Variants in PTPRD observed in about 807,000 individuals in gnomAD.
PTPRD encodes the protein receptor-type tyrosine-protein phosphatase delta.
PTPRD carries 34 observed loss-of-function variants against 214.5 expected under a neutral mutation model. The ratio of observed to expected loss-of-function variants is 0.16; its 90% confidence interval spans 0.12 to 0.21. PTPRD has a LOEUF of 0.21. PTPRD is among the 10% of genes least tolerant of loss of function. The probability of loss-of-function intolerance (pLI) is 1.00; values close to 1 mark genes in which losing one functional copy is unlikely to be tolerated. For synonymous variants in PTPRD, 1,128 were observed against 845.7 expected (o/e 1.33, Z -5.79); for missense variants, 2,545 against 2,398.7 (o/e 1.06, Z -1.27).
chr9:9,669,104 A>G (rs948605917), intron 7 of PTPRD, among the ~76,000 whole-genome samples: 1 of 152,096 alleles, frequency 6.6e-6, no homozygotes, highest in Non-Finnish European at 1.5e-5. Flanking sequence ...TATTATTATC[A>G]TTATACTTTA....
intron 14 of PTPRD, among the ~76,000 whole-genome samples, chr9:8,584,749 G>A (rs932936835): frequency 2.0e-5 from 3 of 152,164 alleles, no homozygotes; most frequent in East Asian, 1.9e-4. Context: ...TGCTGCAAAT[G>A]GAGACATACC....
chr9:8,940,229 C>T lies in PTPRD; in HGVS notation c.-104+78468G>A, dbSNP rs574300439. ...GTTTGCACCTGCTAAATTCTTTCCC[C>T]AGAAGACTAAATTGACTAAGGCATT... On this transcript the variant is annotated intron_variant, in intron 11 of 45. Transcript: ENST00000381196. Among the ~76,000 whole-genome samples the T allele has an allele frequency of 4.7e-5, 7 of 149,174 alleles. No homozygotes were observed. The South Asian group carries it at 8.5e-4, about 18-fold the overall frequency.
rs2095865912 is a variant in PTPRD, at chr9:8,449,840, A to G, written c.3876-3T>C. The G allele has an allele frequency of 1.9e-6, 3 of 1,611,710 alleles. No homozygotes were observed. The highest frequency in any genetic ancestry group is 1.7e-5 in the Admixed American group (1 of 59,652). ...TAGAGTCGGACTCTGCCCTCTTCCT[A>G]TAGGGGGAAAATAGAAATTTAAGAA... On this transcript the variant is annotated splice_polypyrimidine_tract_variant and splice_region_variant and intron_variant, in intron 33 of 45. Coordinates refer to ENST00000381196, the MANE Select transcript of PTPRD (RefSeq NM_002839.4).
chr9:9,521,960 C>G (rs537212484), intron 8 of PTPRD, among the ~76,000 whole-genome samples: 6 of 151,938 alleles, frequency 3.9e-5, no homozygotes, highest in Non-Finnish European at 7.4e-5. Context: ...GAGTTTGAGA[C>G]GAGCCTGACC....
chr9:10,480,569 C>A (rs752656204), intron 2 of PTPRD, among the ~76,000 whole-genome samples: 6 of 151,390 alleles, frequency 4.0e-5, no homozygotes, highest in Non-Finnish European at 7.4e-5. Flanking sequence ...AGAAAGCATG[C>A]AAAAGACAAT....
intron 8 of PTPRD, among the ~76,000 whole-genome samples, chr9:9,533,297 A>C (rs1329306478): frequency 6.6e-6 from 1 of 152,118 alleles, no homozygotes; most frequent in Non-Finnish European, 1.5e-5. Flanking sequence ...TCCAGTGATG[A>C]CTTTCAGGTA....
intron 36 of PTPRD, among the ~76,000 whole-genome samples, chr9:8,398,538 A>G (rs1008333568): frequency 4.6e-5 from 7 of 152,224 alleles, no homozygotes; most frequent in Admixed American, 3.3e-4. Context: ...GTGTTCCCGT[A>G]AATTCATATG....
intron 11 of PTPRD, among the ~76,000 whole-genome samples, chr9:8,910,806 G>A (rs369520918): frequency 6.6e-6 from 1 of 152,294 alleles, no homozygotes; most frequent in Admixed American, 6.5e-5. Flanking sequence ...TTATTTCTAT[G>A]CATTAGCAAT....
At chr9:10,059,898 GC>G (rs1384440612) in intron 3 of PTPRD, among the ~76,000 whole-genome samples, 1 of 151,830 alleles carries the variant, frequency 6.6e-6, no homozygotes, top group Non-Finnish European at 1.5e-5. Flanking sequence ...AATGACAATG[GC>G]AAAAATGTTA....
At chr9:9,981,768 C>T (rs1008901813) in intron 4 of PTPRD, among the ~76,000 whole-genome samples, 43 of 152,056 alleles carry the variant, frequency 2.8e-4, no homozygotes, top group African/African-American at 1.0e-3. Context: ...TTTAAAGGCG[C>T]TTTTTGACTC....
intron 43 of PTPRD, among the ~76,000 whole-genome samples, chr9:8,336,829 C>G (rs771744639): frequency 1.3e-5 from 2 of 151,996 alleles, no homozygotes; most frequent in Admixed American, 1.3e-4. Context: ...GACACCGATG[C>G]GGCAGACAAA....
chr9:8,360,170 C>T (rs1001505573), intron 39 of PTPRD, among the ~76,000 whole-genome samples: 6 of 152,050 alleles, frequency 3.9e-5, no homozygotes, highest in Non-Finnish European at 2.9e-5. Flanking sequence ...GAAAGATAGA[C>T]GTAAAAGTAA....
At chr9:8,935,351 G>A (rs1047900817) in intron 11 of PTPRD, among the ~76,000 whole-genome samples, 4 of 152,100 alleles carry the variant, frequency 2.6e-5, no homozygotes, top group Non-Finnish European at 5.9e-5. Flanking sequence ...ATTTACAATA[G>A]CATCTCAAGA....
intron 35 of PTPRD, among the ~76,000 whole-genome samples, chr9:8,432,191 C>T (rs369882391): frequency 3.9e-5 from 6 of 152,230 alleles, no homozygotes; most frequent in South Asian, 2.1e-4. Flanking sequence ...TTAAGGAGGA[C>T]TTTCTTCCCT....
At chr9:8,583,506 A>AT (rs1421360351) in intron 14 of PTPRD, among the ~76,000 whole-genome samples, 47 of 152,346 alleles carry the variant, frequency 3.1e-4, no homozygotes, top group Non-Finnish European at 4.9e-4. Flanking sequence ...TTAAAAAAAA[A>AT]GAAACATAAT....
At chr9:8,843,453 G>C (rs907395030) in intron 11 of PTPRD, among the ~76,000 whole-genome samples, 2 of 152,166 alleles carry the variant, frequency 1.3e-5, no homozygotes. Context: ...GTTTCAGAAT[G>C]ATCTGGTAGA....
At chr9:10,296,672 C>A (rs929094750) in intron 3 of PTPRD, among the ~76,000 whole-genome samples, 1 of 151,980 alleles carries the variant, frequency 6.6e-6, no homozygotes, top group African/African-American at 2.4e-5. Context: ...ATCAGTGTTT[C>A]AATAACAATG....
chr9:8,463,931 T>C (rs910082903), intron 32 of PTPRD, among the ~76,000 whole-genome samples: 2 of 151,938 alleles, frequency 1.3e-5, no homozygotes, highest in African/African-American at 4.8e-5. Context: ...CAAATATTTA[T>C]GATATATAAA....
chr9:8,349,177 A>T (rs1269719737), intron 39 of PTPRD, among the ~76,000 whole-genome samples: 1 of 152,222 alleles, frequency 6.6e-6, no homozygotes, highest in Non-Finnish European at 1.5e-5. Flanking sequence ...AAGATAAAGT[A>T]ATGCTTATAA....
Sources: gnomAD v4.1 joint callset for allele counts (sites outside exome capture counted in the v4.1 genomes callset) on GRCh38, gnomAD v4.1.1 for gene constraint, MANE v1.5 for transcripts, NCBI Gene and HGNC (gene_info 2026-07-23, HGNC 2026-07-21) for gene names.